Variants in WDFY4 observed in about 807,000 individuals in gnomAD.
WDFY4 encodes WD repeat- and FYVE domain-containing protein 4.
WDFY4 carries 169 observed loss-of-function variants against 351.9 expected under a neutral mutation model. The ratio of observed to expected loss-of-function variants is 0.48; its 90% CI spans 0.42 to 0.55. The LOEUF is 0.55. Ranked by LOEUF, WDFY4 falls within the 20% of genes least tolerant of loss-of-function variation. The pLI is 0.00. For missense variants in WDFY4, 3,803 were observed against 3,935.6 expected (o/e 0.97, Z 0.90); for synonymous variants, 1,622 against 1,574.6 (o/e 1.03, Z -0.71).
intron 61 of WDFY4, 106 bp downstream of exon 61, chr10:48,981,584 T>G (rs1341449148): frequency 2.0e-6 from 2 of 1,018,734 alleles, no homozygotes; most frequent in East Asian, 2.6e-5. Context: ...AGGAGGCCAC[T>G]TCACTCCAGG....
At chr10:48,760,547 C>G (rs1222860065) in intron 13 of WDFY4, 107 bp downstream of exon 13, 21 of 1,112,452 alleles carry the variant, frequency 1.9e-5, no homozygotes, top group Non-Finnish European at 1.7e-5. Flanking sequence ...CTTCAGTGCC[C>G]TGCGTTAGCA....
chr10:48,816,554 G>A (rs1009931297), intron 31 of WDFY4, among the ~76,000 whole-genome samples: 1 of 152,016 alleles, frequency 6.6e-6, no homozygotes, highest in African/African-American at 2.4e-5. Flanking sequence ...TTTTATTGTA[G>A]GCCTAATGAG....
At position 48,773,900 on chromosome 10, in the gene WDFY4, G is replaced by T. The variant is rs926065019; in HGVS notation, c.2554-558G>T. ...GGCAGATTCCACCTTTTACTCCGGG[G>T]GTGCGAACTCCAACACAGGAACTGT... On this transcript the variant is annotated intron_variant, in intron 13 of 61. Coordinates refer to ENST00000325239, the MANE Select transcript of WDFY4 (RefSeq NM_001394531.1). Among the ~76,000 whole-genome samples the T allele has an allele frequency of 2.6e-5, 4 of 152,126 alleles. No homozygotes were observed. The East Asian group carries it at 7.7e-4, about 29-fold the overall frequency.
intron 19 of WDFY4, among the ~76,000 whole-genome samples, 191 bp from the exon 20 acceptor site, chr10:48,786,448 T>C (rs570348424): frequency 6.6e-6 from 1 of 152,324 alleles, no homozygotes; most frequent in South Asian, 2.1e-4. Context: ...ACAGTATCAG[T>C]TTTTTACTCC....
intron 41 of WDFY4, 114 bp from the exon 42 acceptor site, chr10:48,874,974 TA>T: frequency 2.1e-6 from 1 of 469,586 alleles, no homozygotes; most frequent in Non-Finnish European, 3.6e-6. Flanking sequence ...GAGTCTTGCA[TA>T]ATTTGAAGGG....
intron 35 of WDFY4, among the ~76,000 whole-genome samples, chr10:48,826,470 T>G (rs1411786176): frequency 6.6e-6 from 1 of 152,270 alleles, no homozygotes; most frequent in Non-Finnish European, 1.5e-5. Context: ...TGGCTCCATA[T>G]GAATTTTAAA....
intron 20 of WDFY4, among the ~76,000 whole-genome samples, chr10:48,787,105 G>A (rs6537577): frequency 0.025 from 3,870 of 152,282 alleles, 151 homozygotes; most frequent in African/African-American, 0.088. Context: ...GGTGGGTTGG[G>A]CAATACCATC....
chr10:48,966,775 T>C (rs1842102863), intron 55 of WDFY4, 102 bp downstream of exon 55: 9 of 1,412,694 alleles, frequency 6.4e-6, no homozygotes, highest in South Asian at 4.4e-5. Flanking sequence ...GGGCAAAGTA[T>C]TGGGGACTGA....
chr10:48,844,055 GGCCGCCTGGCGCCT>G (rs1240927700), intron 39 of WDFY4, among the ~76,000 whole-genome samples: 2 of 152,230 alleles, frequency 1.3e-5, no homozygotes, highest in Non-Finnish European at 1.5e-5. Flanking sequence ...CTCACAGCCG[GGCCGCCTGGCGCCT>G]GCCGCCTGCT....
At chr10:48,839,717 G>T (rs1246782239) in intron 39 of WDFY4, among the ~76,000 whole-genome samples, 1 of 152,242 alleles carries the variant, frequency 6.6e-6, no homozygotes, top group Non-Finnish European at 1.5e-5. Context: ...ATGCTGTATT[G>T]TTGGAAAACG....
At chr10:48,893,255 C>T (rs1167309814) in intron 44 of WDFY4, among the ~76,000 whole-genome samples, 1 of 152,198 alleles carries the variant, frequency 6.6e-6, no homozygotes, top group East Asian at 1.9e-4. Context: ...TATAAGGACA[C>T]CAGTCAGGTT....
intron 61 of WDFY4, 113 bp from the exon 62 acceptor site, chr10:48,982,396 G>A (rs761847213): frequency 1.2e-5 from 11 of 916,904 alleles, no homozygotes; most frequent in Non-Finnish European, 1.6e-5. Context: ...CAAGACCAGG[G>A]GCAAGCTCCG....
At chr10:48,738,617 A>G (rs2064750287) in intron 11 of WDFY4, among the ~76,000 whole-genome samples, 1 of 152,216 alleles carries the variant, frequency 6.6e-6, no homozygotes, top group Non-Finnish European at 1.5e-5. Flanking sequence ...ACTGAGTCAC[A>G]TGAGCAAGTG....
At chr10:48,933,198 G>A (rs879907717) in intron 47 of WDFY4, among the ~76,000 whole-genome samples, 21 of 152,176 alleles carry the variant, frequency 1.4e-4, no homozygotes, top group African/African-American at 2.7e-4. Context: ...ACCAGGCAAC[G>A]AGAAAACCCA....
chr10:48,858,565 C>T (rs1394788344), intron 39 of WDFY4, among the ~76,000 whole-genome samples: 2 of 152,204 alleles, frequency 1.3e-5, no homozygotes, highest in African/African-American at 4.8e-5. Flanking sequence ...ATCTATATGT[C>T]TATTCCTCTC....
intron 48 of WDFY4, among the ~76,000 whole-genome samples, chr10:48,942,980 G>A (rs985248633): frequency 6.6e-6 from 1 of 152,168 alleles, no homozygotes; most frequent in Non-Finnish European, 1.5e-5. Context: ...ACCATCAATA[G>A]GTCAGCAGTC....
chr10:48,913,423 A>G, intron 47 of WDFY4: 1 of 1,611,772 alleles, frequency 6.2e-7, no homozygotes, highest in African/African-American at 1.3e-5. Flanking sequence ...TTGGCCATGG[A>G]ATTGGGTGAG....
Position 48,805,893 on chromosome 10 carries a change from ACT to A in WDFY4, c.4647-107_4647-106del, listed in dbSNP as rs1424115623. ...AGCATGCCATGATGATTTCCCTTAAACTCTCACTTGCAGCTGCACGTGGGTGG... is the reference window on the plus strand; with the variant it reads ...AGCATGCCATGATGATTTCCCTTAAACTCACTTGCAGCTGCACGTGGGTGG... On this transcript the variant is annotated intron_variant, in intron 26 of 61. Coordinates refer to ENST00000325239, the MANE Select transcript of WDFY4 (RefSeq NM_001394531.1). 5 of 857,854 alleles carry A rather than the reference ACT, an allele frequency of 5.8e-6. No individual in the cohort carries two copies. In the African/African-American group the frequency reaches 6.7e-5, roughly 12 times the overall value. 53.1% of individuals were successfully genotyped at this position (857,854 alleles called of 1,614,324 possible). A position where few individuals can be genotyped will look rare whatever the true frequency, so the allele number is the denominator to read the frequency against.
intron 40 of WDFY4, among the ~76,000 whole-genome samples, chr10:48,870,984 A>G (rs1482912921): frequency 6.6e-6 from 1 of 151,662 alleles, no homozygotes; most frequent in Non-Finnish European, 1.5e-5. Flanking sequence ...CCCAGGCTGG[A>G]GTGCAGTGGC....
Sources: gnomAD v4.1 joint callset for allele counts (sites outside exome capture counted in the v4.1 genomes callset) on GRCh38, gnomAD v4.1.1 for gene constraint, MANE v1.5 for transcripts, NCBI Gene and HGNC (gene_info 2026-07-23, HGNC 2026-07-21) for gene names.